FOXN3: variants seen among roughly 807,000 people sequenced by gnomAD.
FOXN3 encodes the protein forkhead box N3, also known as forkhead box protein N3.
FOXN3 carries 7 observed loss-of-function variants against 38.4 expected under a neutral mutation model. The ratio of observed to expected loss-of-function variants is 0.18; its 90% confidence interval spans 0.10 to 0.34. The LOEUF is 0.34. FOXN3 is among the 10% of genes least tolerant of loss of function. The pLI is 1.00. For synonymous variants in FOXN3, 230 were observed against 242.2 expected (o/e 0.95, Z 0.47); for missense variants, 456 against 613.4 (o/e 0.74, Z 2.71).
rs977109611 is a variant in FOXN3 at position 89,498,158 on chromosome 14, G to A, written c.-14-85668C>T. 5.4e-5 allele frequency among the ~76,000 whole-genome samples: 8 copies of A among 147,714 alleles called. No individual in the cohort carries two copies. The South Asian group carries it at 6.4e-4, about 12-fold the overall frequency. The stretch of plus-strand genomic sequence containing the variant: ...GATATTTATCCCTTATCAAATATAC[G>A]ATTTGCAAGTATATTCTCCTATTCT... On this transcript the variant is annotated intron_variant, in intron 1 of 6. Coordinates refer to the FOXN3 transcript ENST00000345097.
chr14:89,233,200 C>G (rs1288251990), intron 4 of FOXN3, among the ~76,000 whole-genome samples: 5 of 152,248 alleles, frequency 3.3e-5, no homozygotes, highest in Non-Finnish European at 7.3e-5. Flanking sequence ...CTGCGACCAT[C>G]ATGAACCTAC....
chr14:89,414,161 A>G (rs933236459), intron 1 of FOXN3, among the ~76,000 whole-genome samples: 1 of 152,038 alleles, frequency 6.6e-6, no homozygotes, highest in African/African-American at 2.4e-5. Flanking sequence ...CCAAAAAAAT[A>G]CAAAAATTCG....
At chr14:89,470,879 C>T (rs1014306462) in intron 1 of FOXN3, among the ~76,000 whole-genome samples, 1 of 152,162 alleles carries the variant, frequency 6.6e-6, no homozygotes, top group African/African-American at 2.4e-5. Flanking sequence ...GGGGGAGGAA[C>T]CTTCTCTACC....
chr14:89,323,330 A>C (rs548733914), intron 3 of FOXN3, among the ~76,000 whole-genome samples: 70 of 151,106 alleles, frequency 4.6e-4, no homozygotes, highest in Non-Finnish European at 8.3e-4. Flanking sequence ...AGAAAGAATG[A>C]CAGTGGGGCA....
chr14:89,383,743 C>T (rs1450333631), intron 2 of FOXN3, among the ~76,000 whole-genome samples: 1 of 152,162 alleles, frequency 6.6e-6, no homozygotes, highest in Non-Finnish European at 1.5e-5. Context: ...TCCATTCTGA[C>T]CTCATCTTAA....
intron 1 of FOXN3, among the ~76,000 whole-genome samples, chr14:89,584,873 C>T (rs1021085576): frequency 3.9e-5 from 6 of 152,032 alleles, no homozygotes; most frequent in Non-Finnish European, 7.4e-5. Flanking sequence ...CCATCATGTC[C>T]GGCTAATTTC....
chr14:89,169,508 TACAC>T (rs56217837), intron 5 of FOXN3, among the ~76,000 whole-genome samples: 25 of 150,220 alleles, frequency 1.7e-4, no homozygotes, highest in African/African-American at 2.5e-4. Context: ...ACTAAGTGGT[TACAC>T]ACACACACAC....
At position 89,425,732 on chromosome 14, in the gene FOXN3, T is replaced by C. The variant is rs551665734; in HGVS notation, c.-14-13242A>G. Among the ~76,000 whole-genome samples the C allele has an allele frequency of 2.0e-4, 31 of 152,310 alleles. No homozygotes were observed. In the East Asian group the frequency reaches 5.8e-3, roughly 28 times the overall value. On this transcript the variant is annotated intron_variant, in intron 1 of 6. Coordinates refer to the FOXN3 transcript ENST00000345097. ...GTGTCACAAACACTGAATTAACAAATCCTGAATCATTGCTCCTAGGGGAAA... is the reference window on the plus strand; with the variant it reads ...GTGTCACAAACACTGAATTAACAAACCCTGAATCATTGCTCCTAGGGGAAA...
intron 1 of FOXN3, among the ~76,000 whole-genome samples, chr14:89,612,638 T>C (rs1896415770): frequency 6.7e-6 from 1 of 150,368 alleles, no homozygotes; most frequent in African/African-American, 2.5e-5. Context: ...TCTACAAAAA[T>C]AAAAAATTAG....
At chr14:89,176,241 G>T (rs1397746733) in intron 5 of FOXN3, among the ~76,000 whole-genome samples, 1 of 152,170 alleles carries the variant, frequency 6.6e-6, no homozygotes, top group Non-Finnish European at 1.5e-5. Flanking sequence ...ATAATTATAT[G>T]CAAAGGAACC....
chr14:89,439,019 A>C (rs559822640), intron 1 of FOXN3, among the ~76,000 whole-genome samples: 3 of 152,206 alleles, frequency 2.0e-5, no homozygotes, highest in South Asian at 4.1e-4. Flanking sequence ...CGGCCTCCCA[A>C]AGTGCTGGGA....
intron 1 of FOXN3, among the ~76,000 whole-genome samples, chr14:89,476,670 C>T (rs1893216413): frequency 6.6e-6 from 1 of 152,224 alleles, no homozygotes; most frequent in Non-Finnish European, 1.5e-5. Context: ...TTAAGAGTCA[C>T]CTCTGCCTTC....
intron 4 of FOXN3, among the ~76,000 whole-genome samples, chr14:89,206,736 A>T (rs1888395955): frequency 6.6e-6 from 1 of 152,240 alleles, no homozygotes; most frequent in Non-Finnish European, 1.5e-5. Context: ...GAAAACAGAG[A>T]AGGAAAAATC....
intron 3 of FOXN3, among the ~76,000 whole-genome samples, chr14:89,289,195 AAAG>A (rs1886779734): frequency 1.2e-4 from 1 of 8,236 alleles, no homozygotes; most frequent in Admixed American, 3.0e-3. Flanking sequence ...AAAAAAAAAA[AAAG>A]AAAAGAAAAA....
At chr14:89,483,236 T>C (rs1478262326) in intron 1 of FOXN3, among the ~76,000 whole-genome samples, 1 of 152,044 alleles carries the variant, frequency 6.6e-6, no homozygotes, top group African/African-American at 2.4e-5. Context: ...GTGTACATTC[T>C]CAACTCTCCT....
intron 1 of FOXN3, among the ~76,000 whole-genome samples, chr14:89,587,933 G>A (rs1351762947): frequency 1.3e-5 from 2 of 151,072 alleles, no homozygotes; most frequent in Non-Finnish European, 1.5e-5. Context: ...ATAGAGCAAT[G>A]GGCATATGGG....
At chr14:89,280,713 G>A (rs1427322693) in intron 4 of FOXN3, among the ~76,000 whole-genome samples, 1 of 152,068 alleles carries the variant, frequency 6.6e-6, no homozygotes, top group African/African-American at 2.4e-5. Context: ...GCGGGCCAAA[G>A]AAGCAGTCCT....
At chr14:89,393,579 C>T (rs971720958) in intron 2 of FOXN3, among the ~76,000 whole-genome samples, 2 of 152,172 alleles carry the variant, frequency 1.3e-5, no homozygotes, top group African/African-American at 4.8e-5. Context: ...CGGCCAGAAA[C>T]GGAGCTCCCC....
upstream of FOXN3, among the ~76,000 whole-genome samples, chr14:89,422,124 G>A (rs1891927195): frequency 6.8e-6 from 1 of 146,520 alleles, no homozygotes; most frequent in African/African-American, 2.5e-5. Context: ...TTCCGGCTTC[G>A]GCCTCCCAAA....
Sources: gnomAD v4.1 joint callset for allele counts (sites outside exome capture counted in the v4.1 genomes callset) on GRCh38, gnomAD v4.1.1 for gene constraint, MANE v1.5 for transcripts, NCBI Gene and HGNC (gene_info 2026-07-23, HGNC 2026-07-21) for gene names.